The following TTLL5 variants were observed in gnomAD, a reference collection of about 807,000 sequenced individuals.
The protein encoded by TTLL5 is tubulin tyrosine ligase like 5.
In TTLL5, 132 loss-of-function variants were observed where a neutral mutation model predicts 168.4. The ratio of observed to expected loss-of-function variants is 0.78; its 90% CI spans 0.68 to 0.91. TTLL5 has a LOEUF of 0.91. Ranked by LOEUF, TTLL5 falls within the 40% of genes least tolerant of loss-of-function variation. The pLI, the probability that TTLL5 is intolerant of heterozygous loss-of-function variation, is 0.00. For missense variants in TTLL5, 1,545 were observed against 1,581.5 expected (o/e 0.98, Z 0.39); for synonymous variants, 546 against 558.6 (o/e 0.98, Z 0.32).
At chr14:75,844,169 C>T (rs1896418986) in intron 28 of TTLL5, among the ~76,000 whole-genome samples, 1 of 152,112 alleles carries the variant, frequency 6.6e-6, no homozygotes, top group African/African-American at 2.4e-5. Flanking sequence ...ACGTGAGCCG[C>T]CTGGCCTGGC....
intron 6 of TTLL5, among the ~76,000 whole-genome samples, chr14:75,695,036 A>G (rs182596858): frequency 1.8e-4 from 27 of 152,322 alleles, no homozygotes; most frequent in African/African-American, 6.5e-4. Context: ...AACAAGGGAG[A>G]TAACCATTAG....
intron 3 of TTLL5, among the ~76,000 whole-genome samples, chr14:75,673,634 G>T (rs188945316): frequency 6.6e-6 from 1 of 152,326 alleles, no homozygotes; most frequent in African/African-American, 2.4e-5. Flanking sequence ...AGGATTACAT[G>T]AGCTCATTTA....
chr14:75,779,520 G>C, intron 23 of TTLL5, 55 bp from the exon 24 acceptor site: 1 of 1,581,576 alleles, frequency 6.3e-7, no homozygotes, highest in South Asian at 1.2e-5. Flanking sequence ...AAATCTGGTG[G>C]AAAGATTTTC....
chr14:75,915,646 T>C (rs1485972840), intron 31 of TTLL5, among the ~76,000 whole-genome samples: 1 of 152,210 alleles, frequency 6.6e-6, no homozygotes, highest in African/African-American at 2.4e-5. Context: ...ATGAAGATGA[T>C]AGATTGCCTC....
chr14:75,903,898 T>C (rs61980832), intron 31 of TTLL5, among the ~76,000 whole-genome samples: 1 of 142,188 alleles, frequency 7.0e-6, no homozygotes, highest in South Asian at 2.2e-4. Flanking sequence ...CTACCTCTAA[T>C]TTAAAAAAAA....
At chr14:75,898,558 C>T (rs2032777677) in intron 30 of TTLL5, among the ~76,000 whole-genome samples, 1 of 152,180 alleles carries the variant, frequency 6.6e-6, no homozygotes, top group Non-Finnish European at 1.5e-5. Context: ...AGGAGGATCA[C>T]CTGAGCCCAG....
chr14:75,764,157 A>C (rs975837574), intron 18 of TTLL5, among the ~76,000 whole-genome samples: 6 of 152,216 alleles, frequency 3.9e-5, no homozygotes, highest in Admixed American at 3.9e-4. Context: ...ACCTCTGCTA[A>C]ATCCATATTG....
intron 28 of TTLL5, among the ~76,000 whole-genome samples, chr14:75,851,097 A>AG (rs1408889967): frequency 1.3e-4 from 20 of 148,890 alleles, no homozygotes; most frequent in African/African-American, 4.4e-4. Flanking sequence ...CCTTGTCTCA[A>AG]AAAAAAAAAA....
At chr14:75,909,038 A>G (rs56935756) in intron 31 of TTLL5, among the ~76,000 whole-genome samples, 2 of 151,924 alleles carry the variant, frequency 1.3e-5, no homozygotes, top group Non-Finnish European at 2.9e-5. Context: ...TTGGCCTCCC[A>G]AAGTGCTGGT....
At chr14:75,710,679 G>A (rs1887013667) in intron 9 of TTLL5, 1 of 152,202 alleles carries the variant, frequency 6.6e-6, no homozygotes, top group Admixed American at 6.5e-5. Flanking sequence ...CTAAGTTCTT[G>A]TGTCTTCACT....
intron 5 of TTLL5, among the ~76,000 whole-genome samples, chr14:75,687,102 AT>A (rs1270183567): frequency 2.0e-5 from 3 of 152,142 alleles, no homozygotes; most frequent in Non-Finnish European, 4.4e-5. Context: ...CTGTGAATCA[AT>A]TTTTAAAAAC....
intron 28 of TTLL5, chr14:75,835,691 A>G (rs545756278): frequency 1.3e-5 from 2 of 152,318 alleles, no homozygotes; most frequent in Admixed American, 6.5e-5. Flanking sequence ...AATTCAAACA[A>G]CTCTGTAGGA....
chr14:75,887,444 T>C, intron 30 of TTLL5: 1 of 545,346 alleles, frequency 1.8e-6, no homozygotes, highest in Non-Finnish European at 2.3e-6. Flanking sequence ...GCCAGCTTTT[T>C]ATTATGTGCA....
chr14:75,807,988 T>C (rs1040142973), intron 27 of TTLL5, among the ~76,000 whole-genome samples: 1 of 152,212 alleles, frequency 6.6e-6, no homozygotes, highest in African/African-American at 2.4e-5. Flanking sequence ...TATTTTATAG[T>C]ATAGTCAACT....
chr14:75,952,606 C>G (rs983137171), intron 31 of TTLL5, among the ~76,000 whole-genome samples: 1 of 152,122 alleles, frequency 6.6e-6, no homozygotes, highest in East Asian at 1.9e-4. Flanking sequence ...GTAGAAACAA[C>G]CCAAATGTCC....
At chr14:75,852,684 T>C (rs533136812) in intron 28 of TTLL5, among the ~76,000 whole-genome samples, 1 of 152,284 alleles carries the variant, frequency 6.6e-6, no homozygotes, top group South Asian at 2.1e-4. Context: ...ATTTCTTTAG[T>C]ATTATAATTT....
intron 29 of TTLL5, among the ~76,000 whole-genome samples, chr14:75,868,535 A>G (rs2030728890): frequency 6.6e-6 from 1 of 152,160 alleles, no homozygotes; most frequent in Non-Finnish European, 1.5e-5. Flanking sequence ...GCAGAAACTA[A>G]TGTTCCTATA....
At chr14:75,672,558 T>G (rs1037656537) in intron 3 of TTLL5, among the ~76,000 whole-genome samples, 5 of 152,220 alleles carry the variant, frequency 3.3e-5, no homozygotes, top group African/African-American at 9.6e-5. Flanking sequence ...GCTAGTATTT[T>G]GTTGAACATT....
chr14:75,690,365 C>T (rs372785426), intron 6 of TTLL5, 43 bp downstream of exon 6: 16 of 1,554,438 alleles, frequency 1.0e-5, no homozygotes, highest in Admixed American at 4.4e-5. Context: ...AGCAACTGAA[C>T]CTGGGGAATA....
Sources: gnomAD v4.1 joint callset for allele counts (sites outside exome capture counted in the v4.1 genomes callset) on GRCh38, gnomAD v4.1.1 for gene constraint, MANE v1.5 for transcripts, NCBI Gene and HGNC (gene_info 2026-07-23, HGNC 2026-07-21) for gene names.